The following OR2C1 variants were observed in gnomAD, a reference collection of about 807,000 sequenced individuals.
The protein encoded by OR2C1 is olfactory receptor 2C1.
For synonymous variants in OR2C1, 209 were observed against 167.3 expected (o/e 1.25, Z -1.92); for missense variants, 468 against 388.3 (o/e 1.21, Z -1.73).
the OR2C1 span, among the ~76,000 whole-genome samples, chr16:3,340,342 C>A: frequency 6.6e-6 from 1 of 151,972 alleles, no homozygotes; most frequent in Admixed American, 6.6e-5. Flanking sequence ...GAGTTGTAGT[C>A]TTTTATATAT....
chr16:3,347,107 C>T, the OR2C1 span, among the ~76,000 whole-genome samples: 1 of 150,882 alleles, frequency 6.6e-6, no homozygotes, highest in Admixed American at 6.6e-5. Flanking sequence ...ATTAGCTGGG[C>T]ACAGTGGTGC....
the OR2C1 span, among the ~76,000 whole-genome samples, chr16:3,341,230 T>C: frequency 6.6e-6 from 1 of 151,986 alleles, no homozygotes; most frequent in Non-Finnish European, 1.5e-5. Context: ...ATTATTTTTA[T>C]AATTTCCTTT....
the OR2C1 span, among the ~76,000 whole-genome samples, chr16:3,344,842 T>C: frequency 6.6e-6 from 1 of 152,186 alleles, no homozygotes; most frequent in Admixed American, 6.6e-5. Context: ...TGGGACAGTC[T>C]GTTGGTGCAT....
At chr16:3,357,529 A>G (rs1463403013), downstream of OR2C1, among the ~76,000 whole-genome samples, 1 of 152,056 alleles carries the variant, frequency 6.6e-6, no homozygotes, top group Non-Finnish European at 1.5e-5. Context: ...TACCACACCT[A>G]ACTAATTTTT....
the OR2C1 span, among the ~76,000 whole-genome samples, chr16:3,344,104 C>A: frequency 2.0e-5 from 3 of 152,108 alleles, no homozygotes; most frequent in South Asian, 6.2e-4. Context: ...ACCTGTAATT[C>A]CAGCTACTTG....
the OR2C1 span, among the ~76,000 whole-genome samples, chr16:3,340,628 G>A: frequency 1.3e-5 from 2 of 152,138 alleles, no homozygotes; most frequent in African/African-American, 2.4e-5. Context: ...TGTATCTTGT[G>A]AGATGGGGGT....
chr16:3,347,488 G>GT, the OR2C1 span, among the ~76,000 whole-genome samples: 1 of 150,818 alleles, frequency 6.6e-6, no homozygotes, highest in Non-Finnish European at 1.5e-5. Flanking sequence ...TTGAGACGGA[G>GT]TTTTGCTCTG....
At chr16:3,331,862 G>A in the OR2C1 span, among the ~76,000 whole-genome samples, 1 of 150,520 alleles carries the variant, frequency 6.6e-6, no homozygotes, top group Admixed American at 6.7e-5. Context: ...TTAAGAAAAT[G>A]TGGCACATAT....
the OR2C1 span, among the ~76,000 whole-genome samples, chr16:3,338,219 T>C: frequency 6.6e-6 from 1 of 152,298 alleles, no homozygotes; most frequent in Non-Finnish European, 1.5e-5. Context: ...ACAGCAGAGA[T>C]TTCAGGGTTG....
upstream of OR2C1, among the ~76,000 whole-genome samples, chr16:3,353,442 G>C: frequency 7.4e-6 from 1 of 134,592 alleles, no homozygotes; most frequent in Admixed American, 8.7e-5. Context: ...AGTGAGCCGA[G>C]ATCCCGCCAC....
At chr16:3,349,184 TAA>T in the OR2C1 span, among the ~76,000 whole-genome samples, 6 of 152,150 alleles carry the variant, frequency 3.9e-5, no homozygotes, top group African/African-American at 1.4e-4. Context: ...TTGAAAAGAA[TAA>T]AGTCATATAA....
At chr16:3,346,624 C>CTTTTTTT in the OR2C1 span, among the ~76,000 whole-genome samples, 293 of 128,034 alleles carry the variant, frequency 2.3e-3, 4 homozygotes, top group Non-Finnish European at 3.7e-3. Context: ...GTCCATGCAT[C>CTTTTTTT]TTTTTTTTTT....
At chr16:3,327,452 C>G in the OR2C1 span, among the ~76,000 whole-genome samples, 1 of 152,030 alleles carries the variant, frequency 6.6e-6, no homozygotes, top group African/African-American at 2.4e-5. Flanking sequence ...CAGGAGCTGC[C>G]TTTCCCTTCC....
At chr16:3,345,187 G>A in the OR2C1 span, among the ~76,000 whole-genome samples, 3 of 151,988 alleles carry the variant, frequency 2.0e-5, no homozygotes, top group Admixed American at 2.0e-4. Context: ...GTAAGAAATA[G>A]GCTGGGCGCG....
the OR2C1 span, chr16:3,323,891 A>C: frequency 7.5e-7 from 1 of 1,326,764 alleles, no homozygotes; most frequent in South Asian, 1.2e-5. Flanking sequence ...ATTTTCTGGA[A>C]CCAAAGGGAT....
chr16:3,353,595 G>T (rs558081972), upstream of OR2C1, among the ~76,000 whole-genome samples: 157 of 151,974 alleles, frequency 1.0e-3, no homozygotes, highest in African/African-American at 3.7e-3. Context: ...GAGGCCAGGA[G>T]TTCAAGACCA....
chr16:3,325,504 T>TATATATAC, the OR2C1 span, among the ~76,000 whole-genome samples: 3 of 124,582 alleles, frequency 2.4e-5, no homozygotes, highest in Non-Finnish European at 3.4e-5. Flanking sequence ...TATATATATA[T>TATATATAC]ACACTTTAAA....
the OR2C1 span, among the ~76,000 whole-genome samples, chr16:3,334,263 G>T: frequency 6.6e-6 from 1 of 150,884 alleles, no homozygotes; most frequent in African/African-American, 2.4e-5. Flanking sequence ...TCAGCCTCCC[G>T]AGTAGCTGGG....
At chr16:3,324,017 CATG>C in the OR2C1 span, 5 of 449,062 alleles carry the variant, frequency 1.1e-5, no homozygotes, top group South Asian at 1.7e-4. Context: ...AGCATTTGCC[CATG>C]ATTTGTACAA....
Sources: gnomAD v4.1 joint callset for allele counts (sites outside exome capture counted in the v4.1 genomes callset) on GRCh38, gnomAD v4.1.1 for gene constraint, MANE v1.5 for transcripts, NCBI Gene and HGNC (gene_info 2026-07-23, HGNC 2026-07-21) for gene names.